The following DOK4 variants were observed in gnomAD, a reference collection of about 807,000 sequenced individuals.
The protein encoded by DOK4 is downstream of tyrosine kinase 4.
A neutral mutation model predicts 40.1 loss-of-function variants in DOK4; 26 were observed. The ratio of observed to expected loss-of-function variants is 0.65; its 90% confidence interval spans 0.48 to 0.90. The LOEUF (loss-of-function observed/expected upper bound fraction) is 0.90, where lower values mean the gene tolerates loss of function less well. Among genes scored for constraint, DOK4 ranks in the 40% least tolerant of loss-of-function variants. The pLI is 0.00. For synonymous variants in DOK4, 179 were observed against 177.0 expected (o/e 1.01, Z -0.09); for missense variants, 392 against 437.2 (o/e 0.90, Z 0.92).
At position 57,475,503 on chromosome 16, in the gene DOK4, C is replaced by T. The variant is rs1352100380; in HGVS notation, c.289+3G>A. 2 of 1,602,176 alleles carry T rather than the reference C, an allele frequency of 1.2e-6. No homozygotes were observed. Among genetic ancestry groups the T allele is most frequent in the Non-Finnish European group, 1.7e-6 (2 of 1,175,110 alleles). On this transcript the variant is annotated splice_donor_region_variant and intron_variant, in intron 4 of 8. Transcript: ENST00000340099. ...CAGATGGAGGCCCATACTCGCGCCTCACCTGAGTCGCAGGTGAAGGTACGT... is the reference window on the plus strand; with the variant it reads ...CAGATGGAGGCCCATACTCGCGCCTTACCTGAGTCGCAGGTGAAGGTACGT...
chr16:57,478,899 T>C (rs1286731351), intron 2 of DOK4, among the ~76,000 whole-genome samples: 2 of 152,168 alleles, frequency 1.3e-5, no homozygotes, highest in African/African-American at 2.4e-5. Context: ...CCACTCCCCT[T>C]TTCAAACACT....
chr16:57,474,073 G>T (rs761943682), intron 6 of DOK4, 34 bp from the exon 7 acceptor site: 2 of 1,610,848 alleles, frequency 1.2e-6, no homozygotes, highest in South Asian at 2.2e-5. Context: ...AGATGGTGGG[G>T]ACCCACCACA....
At chr16:57,473,125 G>A (rs1282197831) in exon 9 of DOK4, 25 of 532,824 alleles carry the variant, frequency 4.7e-5, no homozygotes, top group Non-Finnish European at 5.3e-5. Flanking sequence ...TACAGAGTAT[G>A]TCATAAGCCA....
chr16:57,480,985 C>T (rs1567591625), intron 1 of DOK4, among the ~76,000 whole-genome samples: 1 of 152,318 alleles, frequency 6.6e-6, no homozygotes, highest in East Asian at 1.9e-4. Context: ...CTAAGCCTTC[C>T]CTGCCATCCA....
chr16:57,483,368 C>T (rs1041799263), intron 1 of DOK4, among the ~76,000 whole-genome samples: 1 of 152,196 alleles, frequency 6.6e-6, no homozygotes, highest in Non-Finnish European at 1.5e-5. Flanking sequence ...CAGTGGCTCA[C>T]ACCTGTAATC....
exon 6 of DOK4, chr16:57,474,825 C>G: frequency 6.2e-7 from 1 of 1,614,144 alleles, no homozygotes; most frequent in Non-Finnish European, 8.5e-7. Context: ...GTGTGGCATC[C>G]CGGCCATAGC....
intron 1 of DOK4, among the ~76,000 whole-genome samples, chr16:57,484,640 G>A (rs2031498112): frequency 6.6e-6 from 1 of 152,034 alleles, no homozygotes; most frequent in Non-Finnish European, 1.5e-5. Flanking sequence ...CCCTCAACAT[G>A]CCAAAACCCC....
intron 1 of DOK4, chr16:57,481,611 T>C (rs2031411050): frequency 6.6e-6 from 1 of 152,204 alleles, no homozygotes; most frequent in Admixed American, 6.5e-5. Context: ...GGGTCTACAG[T>C]GTGGAAGCCC....
chr16:57,477,593 G>A (rs2031236786), intron 2 of DOK4, among the ~76,000 whole-genome samples: 1 of 152,342 alleles, frequency 6.6e-6, no homozygotes, highest in South Asian at 2.1e-4. Context: ...GAGCATGCCG[G>A]TTGCCTGGTT....
chr16:57,474,930 C>T (rs1408964659), exon 6 of DOK4: 2 of 1,613,936 alleles, frequency 1.2e-6, no homozygotes, highest in African/African-American at 1.3e-5. Context: ...GCAGCTTGCA[C>T]TCGCCATACA....
At chr16:57,475,271 C>T (rs1460920232) in intron 4 of DOK4, 52 bp from the exon 5 acceptor site, 17 of 1,586,512 alleles carry the variant, frequency 1.1e-5, no homozygotes, top group African/African-American at 4.0e-5. Context: ...TAGCCCACCC[C>T]GTCTGCCCAG....
At chr16:57,483,079 C>T (rs2031460621) in intron 1 of DOK4, among the ~76,000 whole-genome samples, 2 of 152,178 alleles carry the variant, frequency 1.3e-5, no homozygotes, top group African/African-American at 2.4e-5. Flanking sequence ...CACAGGGACC[C>T]CTGGCCACAC....
chr16:57,478,637 C>T (rs1405262001), intron 2 of DOK4: 1 of 152,364 alleles, frequency 6.6e-6, no homozygotes, highest in Non-Finnish European at 1.5e-5. Flanking sequence ...CTCCTGTCTT[C>T]TAGGGGGTCT....
chr16:57,475,693 T>TCTCTCTCCCC (rs745889807), intron 3 of DOK4, 73 bp from the exon 4 acceptor site: 50 of 483,750 alleles, frequency 1.0e-4, no homozygotes, highest in Middle Eastern at 5.4e-4. Context: ...TCTCTCTCTC[T>TCTCTCTCCCC]CTCCCTCCCT....
chr16:57,479,297 G>T lies in DOK4; in HGVS notation c.66+145C>A. On this transcript the variant is annotated intron_variant, in intron 2 of 8. Transcript: ENST00000340099. This position sits in a 1 kb window ranked among gnomAD's most constrained non-coding sequence, Gnocchi z 5.8. ...CAGGCACATGCCAGGCAGCACGCTG[G>T]CGAGGAGCCCCGAGACCACAGATGC... 1.1e-6 allele frequency: 1 copy of T among 872,480 alleles called. No individual in the cohort carries two copies. The highest frequency in any genetic ancestry group is 1.7e-6 in the Non-Finnish European group (1 of 572,204). 54.0% of individuals were successfully genotyped at this position (872,480 alleles called of 1,614,324 possible). A position where few individuals can be genotyped will look rare whatever the true frequency, so the allele number is the denominator to read the frequency against.
At chr16:57,473,446 G>A (rs2030971704) in exon 9 of DOK4, 2 of 1,614,104 alleles carry the variant, frequency 1.2e-6, no homozygotes, top group South Asian at 1.1e-5. Flanking sequence ...GGATGAATCT[G>A]TTGAGGAGGT....
chr16:57,475,776 C>T (rs1249471865), intron 3 of DOK4, 74 bp downstream of exon 3: 2 of 1,310,000 alleles, frequency 1.5e-6, no homozygotes, highest in Non-Finnish European at 2.1e-6. Flanking sequence ...TCCCTCTCTC[C>T]CCTCTCTCCC....
At chr16:57,476,095 G>C (rs2146637313) in intron 2 of DOK4, 138 bp from the exon 3 acceptor site, 2 of 686,314 alleles carry the variant, frequency 2.9e-6, no homozygotes, top group African/African-American at 3.5e-5. Context: ...GGACACCGGG[G>C]GTGGGAGTCA....
exon 9 of DOK4, chr16:57,473,232 C>T: frequency 2.3e-6 from 3 of 1,314,306 alleles, no homozygotes; most frequent in Non-Finnish European, 3.0e-6. Context: ...TCAGTCCAGC[C>T]TCATCCTTGG....
Sources: allele counts gnomAD v4.1 joint callset (sites outside exome capture counted in the v4.1 genomes callset), GRCh38; gene constraint gnomAD v4.1.1; non-coding constraint Gnocchi (gnomAD v3.1); transcripts MANE v1.5; gene names NCBI Gene and HGNC (gene_info 2026-07-23, HGNC 2026-07-21).